Variants in GPR176 observed in about 807,000 individuals in gnomAD.
The protein encoded by GPR176 is G protein-coupled receptor 176.
Under a neutral mutation model 35.4 loss-of-function variants are expected in GPR176, and 26 were observed. The ratio of observed to expected loss-of-function variants is 0.74; its 90% CI spans 0.54 to 1.02. GPR176 has a LOEUF of 1.02. GPR176 is among the 50% of genes least tolerant of loss of function. The pLI, the probability that GPR176 is intolerant of heterozygous loss-of-function variation, is 0.00. For missense variants in GPR176, 597 were observed against 665.3 expected, an observed-to-expected ratio of 0.90 and a Z score of 1.13; for synonymous variants, 278 against 271.3, an observed-to-expected ratio of 1.02 and a Z score of -0.24.
chr15:39,822,995 G>A (rs548326976), intron 1 of GPR176, among the ~76,000 whole-genome samples: 3 of 152,176 alleles, frequency 2.0e-5, no homozygotes, highest in Non-Finnish European at 4.4e-5. Context: ...GCCTTGGTCT[G>A]TTCCCAGTTG....
At chr15:39,833,491 G>A (rs547028672) in intron 1 of GPR176, among the ~76,000 whole-genome samples, 2 of 152,282 alleles carry the variant, frequency 1.3e-5, no homozygotes, top group East Asian at 3.9e-4. Flanking sequence ...GCTTAGGGCT[G>A]AGGGCGAAGG....
chr15:39,819,542 C>A (rs1333222202), intron 1 of GPR176, among the ~76,000 whole-genome samples: 3 of 152,180 alleles, frequency 2.0e-5, no homozygotes, highest in African/African-American at 7.2e-5. Flanking sequence ...TATAACTATA[C>A]CTACTGATGA....
chr15:39,801,750 T>C lies in GPR176; in HGVS notation c.930A>G (p.Lys310=). 1 of 1,613,954 alleles carries C rather than the reference T, an allele frequency of 6.2e-7. No individual in the cohort carries two copies. Among genetic ancestry groups the C allele is most frequent in the Non-Finnish European group, 8.5e-7 (1 of 1,179,944 alleles). ...FLLLTAVWLP[K]VSLLANPVLF... ...GAACAGGGTTTGCCAGCAGGGAGAC[T>C]TTGGGCAGCCAAACAGCAGTGAGCA... Residue 310 remains lysine (K), a synonymous_variant, in exon 3 of 3, where the codon AAA becomes AAG. Transcript: ENST00000561100.
At chr15:39,829,169 A>G (rs747883097) in intron 1 of GPR176, 199 of 1,533,458 alleles carry the variant, frequency 1.3e-4, no homozygotes, top group Non-Finnish European at 1.7e-4. Flanking sequence ...ACTACGTCAC[A>G]CTGCCTTCTC....
At chr15:39,812,482 T>A (rs974126643) in intron 1 of GPR176, among the ~76,000 whole-genome samples, 22 of 152,182 alleles carry the variant, frequency 1.4e-4, no homozygotes, top group African/African-American at 4.8e-4. Flanking sequence ...CTTACACCAG[T>A]GATCTGCCAG....
At chr15:39,811,722 C>T (rs1166147069) in intron 1 of GPR176, among the ~76,000 whole-genome samples, 3 of 152,104 alleles carry the variant, frequency 2.0e-5, no homozygotes, top group Non-Finnish European at 4.4e-5. Flanking sequence ...CAAGACCATC[C>T]TGGCGAACAT....
chr15:39,884,658 T>C (rs1236632337), intron 1 of GPR176, among the ~76,000 whole-genome samples: 1 of 152,144 alleles, frequency 6.6e-6, no homozygotes, highest in African/African-American at 2.4e-5. Context: ...AGGTGTTGTA[T>C]CCAGGCAGAA....
chr15:39,894,898 G>A (rs2033051392), intron 1 of GPR176, among the ~76,000 whole-genome samples: 1 of 152,198 alleles, frequency 6.6e-6, no homozygotes. Context: ...GGTGGAGGTT[G>A]TAGCGAGCCG....
At chr15:39,814,417 G>A (rs375484802) in intron 1 of GPR176, among the ~76,000 whole-genome samples, 8 of 152,026 alleles carry the variant, frequency 5.3e-5, no homozygotes, top group African/African-American at 1.7e-4. Context: ...TTGTATTTGC[G>A]TCTACTTCAA....
chr15:39,843,639 T>C (rs2030192153), intron 1 of GPR176, among the ~76,000 whole-genome samples: 1 of 152,144 alleles, frequency 6.6e-6, no homozygotes, highest in South Asian at 2.1e-4. Context: ...GAAAGCCACA[T>C]TCCCAGCTAA....
chr15:39,866,655 G>C (rs1032921576), intron 1 of GPR176, among the ~76,000 whole-genome samples: 7 of 152,060 alleles, frequency 4.6e-5, no homozygotes, highest in Admixed American at 1.3e-4. Flanking sequence ...ATGTATAAAA[G>C]TACCAACTCA....
At chr15:39,919,058 G>T (rs1427028638) in intron 1 of GPR176, among the ~76,000 whole-genome samples, 1 of 152,146 alleles carries the variant, frequency 6.6e-6, no homozygotes, top group Admixed American at 6.5e-5. Flanking sequence ...ATCATTTAAC[G>T]TTTGAAGAGG....
At chr15:39,834,317 A>G (rs1901267019) in intron 1 of GPR176, among the ~76,000 whole-genome samples, 1 of 152,238 alleles carries the variant, frequency 6.6e-6, no homozygotes, top group African/African-American at 2.4e-5. Context: ...AAGATTTATT[A>G]TGAGAAAGAA....
In GPR176 at chr15:39,912,671, C is replaced by T. The variant is rs184355031; in HGVS notation, c.172+7184G>A. Among the ~76,000 whole-genome samples, 613 of 151,918 alleles carry T rather than the reference C, an allele frequency of 4.0e-3. 1 individual carries two copies. The highest frequency in any genetic ancestry group is 6.4e-3 in the Non-Finnish European group (435 of 67,966). Reference sequence around the variant, plus strand: ...AAAAAACAACCTTTCACAACAGTTCCCAGTCACTACAGAATCTAAATGGCT... The same window carrying T: ...AAAAAACAACCTTTCACAACAGTTCTCAGTCACTACAGAATCTAAATGGCT... On this transcript the variant is annotated intron_variant, in intron 1 of 2. Transcript: ENST00000561100.
At chr15:39,871,660 C>A (rs1481009061) in intron 1 of GPR176, among the ~76,000 whole-genome samples, 2 of 152,188 alleles carry the variant, frequency 1.3e-5, no homozygotes, top group Non-Finnish European at 2.9e-5. Context: ...TAGTTCCTCA[C>A]CGCTGTATGG....
rs1351089454 is a variant in GPR176 at position 39,895,206 on chromosome 15, C to T, written c.172+24649G>A. Among the ~76,000 whole-genome samples the T allele has an allele frequency of 1.8e-4, 26 of 146,064 alleles. 1 individual carries two copies. The highest frequency in any genetic ancestry group is 1.4e-4 in the Admixed American group (2 of 14,366). On this transcript the variant is annotated intron_variant, in intron 1 of 2. Transcript: ENST00000561100. ...CTTCGGCTCAGCATGAGAGGGAGAC[C>T]GTGGAAAGAGAGGGAGAGGGAGACC... is the stretch of plus-strand genomic sequence containing the variant.
chr15:39,829,121 G>C (rs996624372), intron 1 of GPR176: 5 of 1,419,560 alleles, frequency 3.5e-6, no homozygotes, highest in Non-Finnish European at 4.8e-6. Flanking sequence ...CTGGCATTCA[G>C]ACAGAAGCAG....
intron 1 of GPR176, among the ~76,000 whole-genome samples, chr15:39,818,756 C>T (rs774328138): frequency 6.6e-6 from 1 of 152,210 alleles, no homozygotes; most frequent in African/African-American, 2.4e-5. Flanking sequence ...TGAAATTAGT[C>T]ATTCACGTCT....
chr15:39,835,473 T>C (rs1016890505), intron 1 of GPR176, among the ~76,000 whole-genome samples: 5 of 152,080 alleles, frequency 3.3e-5, no homozygotes, highest in African/African-American at 9.7e-5. Flanking sequence ...CTGTCTCATA[T>C]AAAAATCCAA....
Sources: gnomAD v4.1 joint callset for allele counts (sites outside exome capture counted in the v4.1 genomes callset) on GRCh38, gnomAD v4.1.1 for gene constraint, MANE v1.5 for transcripts, NCBI Gene and HGNC (gene_info 2026-07-23, HGNC 2026-07-21) for gene names.